The following DLG1 variants were observed in gnomAD, a reference collection of about 807,000 sequenced individuals.
The protein encoded by DLG1 is discs large MAGUK scaffold protein 1, also known as disks large homolog 1.
A neutral mutation model predicts 123.4 loss-of-function variants in DLG1; 42 were observed. That is an observed-to-expected ratio of 0.34 (90% CI 0.27 to 0.44). DLG1 has a LOEUF of 0.44. Among genes scored for constraint, DLG1 ranks in the 20% least tolerant of loss-of-function variants. The pLI is 1.00. For missense variants in DLG1, 942 were observed against 1,082.6 expected, an observed-to-expected ratio of 0.87 and a Z score of 1.82; for synonymous variants, 317 against 356.2, an observed-to-expected ratio of 0.89 and a Z score of 1.24.
At chr3:197,186,184 T>C (rs908900978) in intron 5 of DLG1, among the ~76,000 whole-genome samples, 1 of 152,176 alleles carries the variant, frequency 6.6e-6, no homozygotes. Context: ...ACAAAAAATC[T>C]ATACCTAAAT....
intron 14 of DLG1, 140 bp downstream of exon 14, chr3:197,104,763 A>G (rs1054017508): frequency 2.3e-5 from 15 of 654,472 alleles, no homozygotes; most frequent in Admixed American, 2.2e-4. Context: ...TTCAGACTAA[A>G]CAAATACTGG....
At chr3:197,090,606 T>C (rs533216009) in intron 15 of DLG1, among the ~76,000 whole-genome samples, 1 of 152,184 alleles carries the variant, frequency 6.6e-6, no homozygotes, top group African/African-American at 2.4e-5. Flanking sequence ...TTAGACATGA[T>C]ATCATCAAGC....
chr3:197,110,143 A>G (rs1340443426), intron 13 of DLG1, among the ~76,000 whole-genome samples: 1 of 152,050 alleles, frequency 6.6e-6, no homozygotes, highest in Non-Finnish European at 1.5e-5. Flanking sequence ...ATAGTATCCC[A>G]TAGGTCTCTG....
At chr3:197,167,918 A>G (rs1220190268) in intron 5 of DLG1, among the ~76,000 whole-genome samples, 1 of 152,200 alleles carries the variant, frequency 6.6e-6, no homozygotes, top group Non-Finnish European at 1.5e-5. Flanking sequence ...CACAAATGTA[A>G]TATGTTTTCT....
chr3:197,057,445 C>G (rs1306840526), intron 23 of DLG1, among the ~76,000 whole-genome samples: 1 of 152,116 alleles, frequency 6.6e-6, no homozygotes, highest in Non-Finnish European at 1.5e-5. Context: ...CACAGGTAAG[C>G]GTTTCTGTGG....
At chr3:197,046,338 T>C (rs2148649044) in intron 24 of DLG1, among the ~76,000 whole-genome samples, 1 of 152,144 alleles carries the variant, frequency 6.6e-6, no homozygotes, top group Middle Eastern at 3.4e-3. Context: ...TGTAAATTCA[T>C]TAATGGAATG....
At chr3:197,131,366 T>C (rs538302819) in intron 10 of DLG1, among the ~76,000 whole-genome samples, 12 of 152,248 alleles carry the variant, frequency 7.9e-5, no homozygotes, top group African/African-American at 2.6e-4. Context: ...ATACATCAAT[T>C]AGTTTTAAAT....
chr3:197,186,012 AG>A (rs1715735549), intron 5 of DLG1, among the ~76,000 whole-genome samples: 1 of 152,226 alleles, frequency 6.6e-6, no homozygotes, highest in Admixed American at 6.5e-5. Flanking sequence ...CCCAATGTAC[AG>A]GGAAGAAATA....
chr3:197,280,696 A>G (rs958505141), intron 4 of DLG1, among the ~76,000 whole-genome samples: 3 of 152,228 alleles, frequency 2.0e-5, no homozygotes, highest in African/African-American at 7.2e-5. Context: ...GAGGCTTTAT[A>G]ATCAAGGGTA....
chr3:197,200,395 C>T (rs2150318850), intron 4 of DLG1, among the ~76,000 whole-genome samples: 1 of 152,122 alleles, frequency 6.6e-6, no homozygotes, highest in South Asian at 2.1e-4. Flanking sequence ...TTAAGAAAAA[C>T]AGCAACACAT....
chr3:197,213,755 C>T (rs1437963777), intron 4 of DLG1, among the ~76,000 whole-genome samples: 2 of 152,112 alleles, frequency 1.3e-5, no homozygotes, highest in Non-Finnish European at 2.9e-5. Context: ...TGGATAAAGG[C>T]TCATTATTTT....
At chr3:197,116,226 CGA>C (rs1375031979) in intron 12 of DLG1, 143 bp from the exon 13 acceptor site, 4 of 628,078 alleles carry the variant, frequency 6.4e-6, no homozygotes, top group Admixed American at 7.7e-5. Flanking sequence ...TCTAAAACTA[CGA>C]GATAAAGAGA....
intron 13 of DLG1, among the ~76,000 whole-genome samples, chr3:197,112,768 AT>A (rs922806916): frequency 4.6e-5 from 7 of 150,964 alleles, no homozygotes; most frequent in South Asian, 2.1e-4. Context: ...TTAAAAAAAA[AT>A]TTTTTTTTTA....
intron 4 of DLG1, among the ~76,000 whole-genome samples, chr3:197,220,507 A>T (rs1006462666): frequency 2.0e-5 from 3 of 152,224 alleles, no homozygotes; most frequent in African/African-American, 7.2e-5. Flanking sequence ...AAATGGATAT[A>T]GGAGAACAAT....
intron 15 of DLG1, among the ~76,000 whole-genome samples, chr3:197,090,447 T>A (rs1300663127): frequency 6.6e-6 from 1 of 152,082 alleles, no homozygotes; most frequent in Non-Finnish European, 1.5e-5. Flanking sequence ...CATGTAGAAA[T>A]TTTCCAAATA....
intron 4 of DLG1, among the ~76,000 whole-genome samples, chr3:197,216,839 A>C (rs1166209227): frequency 6.6e-6 from 1 of 152,196 alleles, no homozygotes; most frequent in Admixed American, 6.5e-5. Flanking sequence ...TTTTTTGTGA[A>C]CACCACCATT....
intron 13 of DLG1, among the ~76,000 whole-genome samples, chr3:197,110,383 T>C (rs551128902): frequency 6.6e-6 from 1 of 152,328 alleles, no homozygotes; most frequent in African/African-American, 2.4e-5. Context: ...ATTTTTTACA[T>C]GGTGAGATAT....
Position 197,052,330 on chromosome 3 carries a change from C to T in DLG1, c.2484-662G>A, listed in dbSNP as rs527511770. 2.0e-5 allele frequency among the ~76,000 whole-genome samples: 3 copies of T among 152,142 alleles called. No individual in the cohort carries two copies. In the East Asian group the frequency reaches 5.9e-4, roughly 30 times the overall value. ...ATTAGCTGGGTGTGGTGGCGCATGC[C>T]TGTAATCCTAGCTACCTGGGAGGCT... is the stretch of plus-strand genomic sequence containing the variant. On this transcript the variant is annotated intron_variant, in intron 23 of 24. Transcript: ENST00000667157.
Position 197,203,649 on chromosome 3 carries a change from C to T in DLG1, c.319-9060G>A, listed in dbSNP as rs1437511119. ...ATCAATAAAATACATTAATTTAAAG[C>T]CACAGACATTTACTACATTTCTTCT... On this transcript the variant is annotated intron_variant, in intron 4 of 24. Coordinates refer to ENST00000667157, the MANE Select transcript of DLG1 (RefSeq NM_001366207.1). Among the ~76,000 whole-genome samples the T allele has an allele frequency of 2.0e-5, 3 of 152,260 alleles. No individual in the cohort carries two copies. In the East Asian group the frequency reaches 5.8e-4, roughly 29 times the overall value.
Sources: gnomAD v4.1 joint callset for allele counts (sites outside exome capture counted in the v4.1 genomes callset) on GRCh38, gnomAD v4.1.1 for gene constraint, MANE v1.5 for transcripts, NCBI Gene and HGNC (gene_info 2026-07-23, HGNC 2026-07-21) for gene names.